NR1H4: variants seen among roughly 807,000 people sequenced by gnomAD.
NR1H4 encodes the protein nuclear receptor subfamily 1 group H member 4.
Under a neutral mutation model 58.5 loss-of-function variants are expected in NR1H4, and 23 were observed. The observed-to-expected ratio is 0.39, with a 90% confidence interval of 0.28 to 0.56. The LOEUF (loss-of-function observed/expected upper bound fraction) is 0.56, where lower values mean the gene tolerates loss of function less well. Ranked by LOEUF, NR1H4 falls within the 20% of genes least tolerant of loss-of-function variation. The pLI, the probability that NR1H4 is intolerant of heterozygous loss-of-function variation, is 0.58. For missense variants in NR1H4, 487 were observed against 576.9 expected (o/e 0.84, Z 1.60); for synonymous variants, 214 against 198.0 (o/e 1.08, Z -0.68).
intron 3 of NR1H4, among the ~76,000 whole-genome samples, chr12:100,498,038 T>G (rs992710517): frequency 6.6e-6 from 1 of 152,098 alleles, no homozygotes; most frequent in Non-Finnish European, 1.5e-5. Flanking sequence ...AGGAATAAAA[T>G]AGCGGGAAAT....
At chr12:100,540,526 T>C in intron 8 of NR1H4, 146 bp from the exon 9 acceptor site, 1 of 801,826 alleles carries the variant, frequency 1.2e-6, no homozygotes, top group Non-Finnish European at 2.1e-6. Flanking sequence ...CTCTATTTTA[T>C]TGGCGAGTAC....
At chr12:100,478,155 G>A (rs746678505) in intron 1 of NR1H4, among the ~76,000 whole-genome samples, 103 of 152,022 alleles carry the variant, frequency 6.8e-4, no homozygotes, top group Non-Finnish European at 1.2e-3. Context: ...GGTGCTGGTT[G>A]TTGAAAGTAA....
intron 9 of NR1H4, among the ~76,000 whole-genome samples, chr12:100,550,726 G>A (rs1283793615): frequency 6.6e-6 from 1 of 152,154 alleles, no homozygotes; most frequent in Non-Finnish European, 1.5e-5. Context: ...AAAGCAACTT[G>A]TTCTGTCCAT....
At chr12:100,542,810 T>C (rs1488907094) in intron 9 of NR1H4, among the ~76,000 whole-genome samples, 2 of 152,210 alleles carry the variant, frequency 1.3e-5, no homozygotes, top group African/African-American at 4.8e-5. Flanking sequence ...ACAAAAAGCA[T>C]AATTAGCATC....
In NR1H4 at chr12:100,526,329, G is replaced by T. The variant is rs117255931; in HGVS notation, c.446-6129G>T. Among the ~76,000 whole-genome samples, 471 of 151,304 alleles carry T rather than the reference G, an allele frequency of 3.1e-3. 4 individuals carry two copies. Among genetic ancestry groups the T allele is most frequent in the Admixed American group, 5.4e-3 (82 of 15,152 alleles). ...AAATTTCTCTGTAAACACTGCTTTT[G>T]TCACATCCCATAAATTTTGATAAAT... On this transcript the variant is annotated intron_variant, in intron 4 of 10. Transcript: ENST00000392986.
chr12:100,482,536 G>A (rs1052463283), intron 1 of NR1H4, among the ~76,000 whole-genome samples: 2 of 152,162 alleles, frequency 1.3e-5, no homozygotes, highest in African/African-American at 4.8e-5. Context: ...CATTGTGCAA[G>A]GCATTGGAGA....
intron 4 of NR1H4, among the ~76,000 whole-genome samples, chr12:100,519,266 A>T (rs1475873555): frequency 1.3e-5 from 2 of 151,984 alleles, no homozygotes; most frequent in African/African-American, 4.8e-5. Flanking sequence ...GTATCATTCC[A>T]TTCACCCCCG....
chr12:100,509,915 G>GCA lies in NR1H4; in HGVS notation c.80-838_80-837dup, dbSNP rs139809053. On this transcript the variant is annotated intron_variant, in intron 3 of 10. Transcript: ENST00000392986. ...TGTCTTTGCACGTGGGCACGTGCGC[G>GCA]CACACACACACACACACACACACAC... 0.02 allele frequency among the ~76,000 whole-genome samples: 2,634 copies of GCA among 131,666 alleles called. 110 individuals are homozygous for GCA. In the East Asian group the frequency reaches 0.24, roughly 12 times the overall value. The allele number at this position is 131,666 out of a possible 152,430, so 86.4% of individuals were successfully genotyped here. A position where few individuals can be genotyped will look rare whatever the true frequency, so the allele number is the denominator to read the frequency against.
In NR1H4 at chr12:100,540,814, T is replaced by C. The variant is rs1216579676; in HGVS notation, c.1074T>C (p.Asn358=). Residue 358 remains asparagine, a synonymous_variant, in exon 9 of 11, where the codon AAT becomes AAC. Transcript: ENST00000392986. ...ACCTATTGGAAGAAAGAATTCGAAATAGTGGTAAGTGATTTGGCTAATGGT... is the reference window on the plus strand; with the variant it reads ...ACCTATTGGAAGAAAGAATTCGAAACAGTGGTAAGTGATTTGGCTAATGGT... ...HSDLLEERIR[N]SGISDEYITP... 6.2e-7 allele frequency: 1 copy of C among 1,614,092 alleles called. No homozygotes were observed. The highest frequency in any genetic ancestry group is 1.6e-4 in the Middle Eastern group (1 of 6,062).
chr12:100,534,111 T>G (rs1009452263), intron 5 of NR1H4, among the ~76,000 whole-genome samples: 2 of 151,412 alleles, frequency 1.3e-5, no homozygotes, highest in African/African-American at 4.9e-5. Flanking sequence ...TTAGCCAGGA[T>G]GGTCTCGATC....
At chr12:100,535,704 GTATT>G (rs1024283414) in intron 6 of NR1H4, among the ~76,000 whole-genome samples, 7 of 152,228 alleles carry the variant, frequency 4.6e-5, no homozygotes, top group South Asian at 2.1e-4. Flanking sequence ...ACGTATTTTT[GTATT>G]TATTTAAGAA....
chr12:100,556,331 G>C (rs1955322290), intron 9 of NR1H4, among the ~76,000 whole-genome samples: 1 of 151,852 alleles, frequency 6.6e-6, no homozygotes, highest in Admixed American at 6.6e-5. Flanking sequence ...GCTGGGCATG[G>C]TGGTGCATGC....
Position 100,562,015 on chromosome 12 carries a change from A to G in NR1H4, c.1192+17A>G. The G allele has an allele frequency of 1.6e-6, 2 of 1,230,660 alleles. No homozygotes were observed. The highest frequency in any genetic ancestry group is 2.3e-5 in the East Asian group (1 of 43,008). The allele number at this position is 1,230,660 out of a possible 1,614,324, so 76.2% of individuals were successfully genotyped here. The stretch of plus-strand genomic sequence containing the variant: ...TGTCTCCAGGTAATTCCAATGTTAC[A>G]TTTTAATTTTTATGCCATTTTTTTC... On this transcript the variant is annotated intron_variant, in intron 10 of 10. Coordinates refer to ENST00000392986, the MANE Select transcript of NR1H4 (RefSeq NM_001206979.2).
chr12:100,504,955 A>T (rs1953924135), intron 3 of NR1H4, among the ~76,000 whole-genome samples: 1 of 152,222 alleles, frequency 6.6e-6, no homozygotes, highest in African/African-American at 2.4e-5. Flanking sequence ...GACCTCCCAG[A>T]GTAGGTGACC....
chr12:100,519,989 A>G (rs755953994), intron 4 of NR1H4, among the ~76,000 whole-genome samples: 3 of 152,064 alleles, frequency 2.0e-5, no homozygotes, highest in Non-Finnish European at 4.4e-5. Context: ...AAATTATCCT[A>G]CCTTAGTGAA....
Position 100,526,877 on chromosome 12 carries a change from AG to A in NR1H4, c.446-5579del, listed in dbSNP as rs373669539. Among the ~76,000 whole-genome samples, 330 of 152,314 alleles carry A rather than the reference AG, an allele frequency of 2.2e-3. 6 individuals carry two copies. The highest frequency in any genetic ancestry group is 6.8e-3 in the Middle Eastern group (2 of 294). On this transcript the variant is annotated intron_variant, in intron 4 of 10. Coordinates refer to ENST00000392986, the MANE Select transcript of NR1H4 (RefSeq NM_001206979.2). ...GATGCAATATAACCGTTTCAAAGAG[AG>A]GTCGAAAACAAAAATCCTATGTGAG...
At chr12:100,520,990 A>G (rs1473258800) in intron 4 of NR1H4, among the ~76,000 whole-genome samples, 1 of 152,148 alleles carries the variant, frequency 6.6e-6, no homozygotes, top group Non-Finnish European at 1.5e-5. Context: ...TTTGTGGGAC[A>G]TTTGTGTGGA....
intron 1 of NR1H4, among the ~76,000 whole-genome samples, chr12:100,479,220 C>A (rs1305670219): frequency 6.6e-6 from 1 of 152,088 alleles, no homozygotes; most frequent in Non-Finnish European, 1.5e-5. Flanking sequence ...TCTTACATTT[C>A]AACGTTCTCA....
intron 6 of NR1H4, among the ~76,000 whole-genome samples, chr12:100,535,453 G>C (rs1194758789): frequency 6.6e-6 from 1 of 152,204 alleles, no homozygotes; most frequent in Non-Finnish European, 1.5e-5. Flanking sequence ...ATAGAGAAAA[G>C]TCCTACCCAC....
Sources: gnomAD v4.1 joint callset for allele counts (sites outside exome capture counted in the v4.1 genomes callset) on GRCh38, gnomAD v4.1.1 for gene constraint, MANE v1.5 for transcripts, NCBI Gene and HGNC (gene_info 2026-07-23, HGNC 2026-07-21) for gene names.